The following ERP44 variants were observed in gnomAD, a reference collection of about 807,000 sequenced individuals.
ERP44 encodes the protein endoplasmic reticulum resident protein 44.
In ERP44, 25 loss-of-function variants were observed where a neutral mutation model predicts 53.4. The ratio of observed to expected loss-of-function variants is 0.47; its 90% confidence interval spans 0.34 to 0.65. ERP44 has a LOEUF of 0.65. ERP44 is among the 30% of genes least tolerant of loss of function. The pLI is 0.01. For missense variants in ERP44, 338 were observed against 493.2 expected, an observed-to-expected ratio of 0.69 and a Z score of 2.98; for synonymous variants, 145 against 161.2, an observed-to-expected ratio of 0.90 and a Z score of 0.76.
chr9:100,009,888 C>T (rs1450448785), intron 8 of ERP44, among the ~76,000 whole-genome samples: 1 of 152,186 alleles, frequency 6.6e-6, no homozygotes, highest in Non-Finnish European at 1.5e-5. Flanking sequence ...GGACGTAATG[C>T]CGCTTCTCTA....
chr9:100,079,278 C>T (rs1414257791), intron 1 of ERP44, among the ~76,000 whole-genome samples: 1 of 152,164 alleles, frequency 6.6e-6, no homozygotes, highest in African/African-American at 2.4e-5. Flanking sequence ...CTGGATGCTT[C>T]CTGTCCTCAA....
chr9:100,037,928 CATGATATA>C (rs2118682810), intron 4 of ERP44, among the ~76,000 whole-genome samples: 1 of 152,204 alleles, frequency 6.6e-6, no homozygotes, highest in African/African-American at 2.4e-5. Flanking sequence ...AAGAGGGTAG[CATGATATA>C]TTCAAACTGC....
At chr9:99,999,613 T>C (rs1564086718) in intron 10 of ERP44, among the ~76,000 whole-genome samples, 3 of 152,218 alleles carry the variant, frequency 2.0e-5, no homozygotes, top group Admixed American at 6.5e-5. Context: ...TTGCAAATCC[T>C]TTTTCCCATT....
intron 4 of ERP44, among the ~76,000 whole-genome samples, chr9:100,030,798 G>A (rs953162935): frequency 2.0e-5 from 3 of 152,130 alleles, no homozygotes; most frequent in Admixed American, 1.3e-4. Flanking sequence ...ACAAGTGACC[G>A]CCTGAACTTT....
At chr9:100,024,117 G>A (rs1180638413) in intron 4 of ERP44, among the ~76,000 whole-genome samples, 1 of 152,002 alleles carries the variant, frequency 6.6e-6, no homozygotes, top group Non-Finnish European at 1.5e-5. Context: ...TCGTGCCAGT[G>A]CACTCCAGAC....
chr9:99,984,799 C>A (rs1830179862), intron 11 of ERP44, among the ~76,000 whole-genome samples, 168 bp downstream of exon 11: 1 of 152,112 alleles, frequency 6.6e-6, no homozygotes, highest in South Asian at 2.1e-4. Context: ...TTTCTGAAGA[C>A]CTAAAGCTTT....
rs374525288 is a variant in ERP44, at chr9:100,041,549, T to G, written c.286+10868A>C. Reference sequence around the variant, plus strand: ...TGGGTATGGTGGCACGTGCCTGTAGTCCCAGTTACTTGGGAGGCTGAGGCA... The same window carrying G: ...TGGGTATGGTGGCACGTGCCTGTAGGCCCAGTTACTTGGGAGGCTGAGGCA... On this transcript the variant is annotated intron_variant, in intron 4 of 11. Coordinates refer to ENST00000262455, the MANE Select transcript of ERP44 (RefSeq NM_015051.3). Among the ~76,000 whole-genome samples the G allele has an allele frequency of 8.3e-4, 126 of 152,162 alleles. 2 individuals are homozygous for G. The highest frequency in any genetic ancestry group is 2.8e-3 in the African/African-American group (115 of 41,528).
chr9:100,032,191 T>C (rs1218101301), intron 4 of ERP44, among the ~76,000 whole-genome samples: 1 of 152,198 alleles, frequency 6.6e-6, no homozygotes, highest in Non-Finnish European at 1.5e-5. Flanking sequence ...ATTCCAGCTA[T>C]GCCCGCTTAT....
intron 6 of ERP44, among the ~76,000 whole-genome samples, chr9:100,020,163 G>C (rs1399949817): frequency 6.6e-6 from 1 of 152,138 alleles, no homozygotes; most frequent in African/African-American, 2.4e-5. Flanking sequence ...TCAGTGAAGA[G>C]GTTAGCCTTA....
At chr9:100,029,822 G>A (rs1425803335) in intron 4 of ERP44, among the ~76,000 whole-genome samples, 1 of 152,204 alleles carries the variant, frequency 6.6e-6, no homozygotes, top group Non-Finnish European at 1.5e-5. Context: ...GGGTGCGGTG[G>A]CTCATGCCTG....
At chr9:100,021,845 T>C (rs766676074) in intron 5 of ERP44, among the ~76,000 whole-genome samples, 197 bp downstream of exon 5, 6 of 152,232 alleles carry the variant, frequency 3.9e-5, no homozygotes, top group Non-Finnish European at 7.3e-5. Context: ...CTGCATGCTA[T>C]ATCTTTTATC....
At chr9:100,004,656 TG>T (rs1351508071) in intron 10 of ERP44, among the ~76,000 whole-genome samples, 1 of 152,104 alleles carries the variant, frequency 6.6e-6, no homozygotes, top group Non-Finnish European at 1.5e-5. Flanking sequence ...TGCCTGGGGT[TG>T]GGGGAGGGGT....
At chr9:99,994,041 T>G (rs1364551286) in intron 10 of ERP44, among the ~76,000 whole-genome samples, 2 of 152,194 alleles carry the variant, frequency 1.3e-5, no homozygotes, top group Non-Finnish European at 2.9e-5. Flanking sequence ...GGAACGCTTT[T>G]ACACTGTTGG....
intron 10 of ERP44, among the ~76,000 whole-genome samples, chr9:99,995,833 T>C (rs1212932077): frequency 1.3e-5 from 2 of 152,014 alleles, no homozygotes; most frequent in Non-Finnish European, 2.9e-5. Flanking sequence ...GCAATGAACA[T>C]AGGAGTGCAG....
chr9:100,060,205 G>A, intron 1 of ERP44, 33 bp from the exon 2 acceptor site: 1 of 1,445,974 alleles, frequency 6.9e-7, no homozygotes, highest in Non-Finnish European at 9.1e-7. Flanking sequence ...ATTAATAAAT[G>A]TGTCCACAAA....
chr9:100,027,651 G>A (rs1193556893), intron 4 of ERP44, among the ~76,000 whole-genome samples: 1 of 152,136 alleles, frequency 6.6e-6, no homozygotes, highest in Non-Finnish European at 1.5e-5. Flanking sequence ...ATATATTTTT[G>A]CTCCAATGGT....
intron 1 of ERP44, among the ~76,000 whole-genome samples, chr9:100,075,298 G>A (rs776045292): frequency 5.9e-5 from 9 of 152,194 alleles, no homozygotes; most frequent in African/African-American, 1.7e-4. Context: ...CACATCTCCC[G>A]GTACCCGGTA....
At chr9:100,073,727 C>G (rs1826328246) in intron 1 of ERP44, among the ~76,000 whole-genome samples, 1 of 152,210 alleles carries the variant, frequency 6.6e-6, no homozygotes, top group African/African-American at 2.4e-5. Context: ...ATAGGTGAGA[C>G]TACATATACT....
intron 4 of ERP44, among the ~76,000 whole-genome samples, chr9:100,038,996 A>T (rs1007373285): frequency 6.6e-6 from 1 of 152,208 alleles, no homozygotes; most frequent in Non-Finnish European, 1.5e-5. Flanking sequence ...CATGTAATAC[A>T]ATGTAAATAT....
Sources: allele counts gnomAD v4.1 joint callset (sites outside exome capture counted in the v4.1 genomes callset), GRCh38; gene constraint gnomAD v4.1.1; transcripts MANE v1.5; gene names NCBI Gene and HGNC (gene_info 2026-07-23, HGNC 2026-07-21).